The following WIPI1 variants were observed in gnomAD, a reference collection of about 807,000 sequenced individuals.
The protein encoded by WIPI1 is WD repeat domain phosphoinositide-interacting protein 1.
Under a neutral mutation model 55.3 loss-of-function variants are expected in WIPI1, and 45 were observed. That is an observed-to-expected ratio of 0.81 (90% CI 0.64 to 1.04). The LOEUF (loss-of-function observed/expected upper bound fraction) is 1.04, where lower values mean the gene tolerates loss of function less well. WIPI1 is among the 50% of genes least tolerant of loss of function. The pLI, the probability that WIPI1 is intolerant of heterozygous loss-of-function variation, is 0.00. For synonymous variants in WIPI1, 195 were observed against 217.6 expected (o/e 0.90, Z 0.92); for missense variants, 445 against 559.0 (o/e 0.80, Z 2.06).
intron 3 of WIPI1, among the ~76,000 whole-genome samples, chr17:68,447,695 G>C (rs2147971551): frequency 6.6e-6 from 1 of 152,084 alleles, no homozygotes; most frequent in East Asian, 1.9e-4. Flanking sequence ...TATATACTTA[G>C]AAAAAAGGGA....
At chr17:68,430,267 A>G in intron 8 of WIPI1, 107 bp from the exon 9 acceptor site, 1 of 1,150,838 alleles carries the variant, frequency 8.7e-7, no homozygotes, top group Non-Finnish European at 1.2e-6. Context: ...CAGCAGGGAG[A>G]GACTGTGCCT....
At chr17:68,429,012 C>T in intron 9 of WIPI1, 76 bp from the exon 10 acceptor site, 1 of 1,117,086 alleles carries the variant, frequency 9.0e-7, no homozygotes, top group South Asian at 1.3e-5. Flanking sequence ...ACAAAGCCCC[C>T]CTCACCCTAG....
At chr17:68,446,907 GA>G (rs1201399818) in intron 3 of WIPI1, among the ~76,000 whole-genome samples, 1 of 152,210 alleles carries the variant, frequency 6.6e-6, no homozygotes, top group Non-Finnish European at 1.5e-5. Flanking sequence ...AACGCAGAGG[GA>G]AACAGAGAGA....
At chr17:68,426,254 G>GGCCCCCCCCCCCC in intron 11 of WIPI1, 79 bp from the exon 12 acceptor site, 10 of 816,856 alleles carry the variant, frequency 1.2e-5, no homozygotes, top group East Asian at 3.5e-5. Flanking sequence ...GGGAGCGGGG[G>GGCCCCCCCCCCCC]CTCAAATAAA....
chr17:68,438,599 T>C (rs2083935004), intron 4 of WIPI1, among the ~76,000 whole-genome samples: 1 of 152,186 alleles, frequency 6.6e-6, no homozygotes, highest in Non-Finnish European at 1.5e-5. Flanking sequence ...TCTCAGCACA[T>C]ATGTTTTGCT....
At position 68,449,510 on chromosome 17, in the gene WIPI1, A is replaced by G. The variant is rs576721880; in HGVS notation, c.333+1218T>C. Among the ~76,000 whole-genome samples the G allele has an allele frequency of 2.6e-5, 4 of 152,328 alleles. No homozygotes were observed. In the East Asian group the frequency reaches 7.7e-4, roughly 29 times the overall value. On this transcript the variant is annotated intron_variant, in intron 3 of 12. Transcript: ENST00000262139. ...AATCTCATGTCGAATTGTAATCTTC[A>G]GTGTTGGAGGAAGGTGGCAGAGTTC...
At chr17:68,428,979 G>T in intron 9 of WIPI1, 43 bp from the exon 10 acceptor site, 1 of 1,483,142 alleles carries the variant, frequency 6.7e-7, no homozygotes. Flanking sequence ...CAACGAAGAT[G>T]GGCGATGGAT....
rs997493550 is a variant in WIPI1, at chr17:68,450,900, G to A, written c.164-3C>T. On this transcript the variant is annotated splice_polypyrimidine_tract_variant and splice_region_variant and intron_variant, in intron 2 of 12. Transcript: ENST00000262139. ...GATGTAGACGTCCGGGATTTCATCT[G>A]GGAGGAAAAGCAGCCGGGAGGTTAC... The A allele has an allele frequency of 1.2e-6, 2 of 1,610,678 alleles. No homozygotes were observed. Among genetic ancestry groups the A allele is most frequent in the Non-Finnish European group, 1.7e-6 (2 of 1,178,552 alleles).
At chr17:68,430,297 C>A in intron 8 of WIPI1, 137 bp from the exon 9 acceptor site, 1 of 814,002 alleles carries the variant, frequency 1.2e-6, no homozygotes, top group South Asian at 1.9e-5. Context: ...GTTCTGCCCA[C>A]TGAGAACAAT....
In WIPI1 at chr17:68,455,028, G is replaced by C. The variant is rs534696508; in HGVS notation, c.81-2036C>G. Among the ~76,000 whole-genome samples the C allele has an allele frequency of 1.4e-4, 22 of 152,286 alleles. 1 individual carries two copies. In the South Asian group the frequency reaches 4.6e-3, roughly 32 times the overall value. On this transcript the variant is annotated intron_variant, in intron 1 of 12. Coordinates refer to ENST00000262139, the MANE Select transcript of WIPI1 (RefSeq NM_017983.7). The stretch of plus-strand genomic sequence containing the variant: ...ATTCTAATCACCACTCATGGAAACA[G>C]AGCTTGGGACAAATATTTATCATTA...
Position 68,433,760 on chromosome 17 carries a change from G to GTTTTTTTTTTT in WIPI1, c.693-196_693-186dup, listed in dbSNP as rs556777098. ...TCAGAAAGATTCACAAAGGGTCATAGTTTTTTTTTTTTTTTTTTTTTTTTT... is the reference window on the plus strand; with the variant it reads ...TCAGAAAGATTCACAAAGGGTCATAGTTTTTTTTTTTTTTTTTTTTTTTTTTTTTTTTTTTT... On this transcript the variant is annotated intron_variant, in intron 7 of 12. Coordinates refer to ENST00000262139, the MANE Select transcript of WIPI1 (RefSeq NM_017983.7). 2.9e-4 allele frequency among the ~76,000 whole-genome samples: 21 copies of GTTTTTTTTTTT among 72,820 alleles called. 2 individuals are homozygous for GTTTTTTTTTTT. The highest frequency in any genetic ancestry group is 9.2e-4 in the African/African-American group (14 of 15,266). 47.8% of individuals were successfully genotyped at this position (72,820 alleles called of 152,430 possible). A position where few individuals can be genotyped will look rare whatever the true frequency, so the allele number is the denominator to read the frequency against.
rs2082754533 is a variant in WIPI1, at chr17:68,421,320, C to A, written c.*453G>T. The A allele has an allele frequency of 6.3e-6, 1 of 159,246 alleles. No homozygotes were observed. The highest frequency in any genetic ancestry group is 2.4e-5 in the African/African-American group (1 of 41,568). 9.9% of individuals were successfully genotyped at this position (159,246 alleles called of 1,614,324 possible). A position where few individuals can be genotyped will look rare whatever the true frequency, so the allele number is the denominator to read the frequency against. The stretch of plus-strand genomic sequence containing the variant: ...TTTATTATTAGTGTCCAAAATGGGA[C>A]TCCCAAGTAATAAATGATTTATTCC... On this transcript the variant is annotated 3_prime_UTR_variant, in exon 13 of 13. Coordinates refer to ENST00000262139, the MANE Select transcript of WIPI1 (RefSeq NM_017983.7).
chr17:68,452,193 G>A (rs1312173564), intron 2 of WIPI1, among the ~76,000 whole-genome samples: 1 of 152,168 alleles, frequency 6.6e-6, no homozygotes, highest in Non-Finnish European at 1.5e-5. Context: ...ATAGGATACC[G>A]TTGCCTTCTT....
chr17:68,426,989 C>T (rs1019436303), intron 11 of WIPI1, 146 bp downstream of exon 11: 14 of 674,572 alleles, frequency 2.1e-5, no homozygotes, highest in Non-Finnish European at 3.3e-5. Context: ...GAGCACTCCA[C>T]CCCCAGGTAA....
chr17:68,441,271 T>A (rs1600344377), intron 4 of WIPI1, among the ~76,000 whole-genome samples: 1 of 152,178 alleles, frequency 6.6e-6, no homozygotes, highest in East Asian at 1.9e-4. Flanking sequence ...GGAACGGGCA[T>A]GACACAAACA....
intron 3 of WIPI1, 113 bp from the exon 4 acceptor site, chr17:68,444,702 G>T: frequency 2.7e-6 from 2 of 749,450 alleles, no homozygotes; most frequent in Non-Finnish European, 2.1e-6. Context: ...GCCTAAAGCA[G>T]AATTTTGATG....
At chr17:68,432,651 T>C (rs2083582197) in intron 8 of WIPI1, among the ~76,000 whole-genome samples, 1 of 152,102 alleles carries the variant, frequency 6.6e-6, no homozygotes, top group South Asian at 2.1e-4. Flanking sequence ...ATCAGCGTGA[T>C]ATGGTGCCCA....
intron 8 of WIPI1, among the ~76,000 whole-genome samples, chr17:68,431,314 C>T (rs1417440730): frequency 6.6e-6 from 1 of 152,180 alleles, no homozygotes; most frequent in Non-Finnish European, 1.5e-5. Flanking sequence ...CAGGAATCAT[C>T]ATCACAACCT....
At chr17:68,432,924 GTTCTT>G in intron 8 of WIPI1, among the ~76,000 whole-genome samples, 1 of 152,112 alleles carries the variant, frequency 6.6e-6, no homozygotes, top group Non-Finnish European at 1.5e-5. Flanking sequence ...CTGCCCTGAA[GTTCTT>G]TTTACTCTTT....
Sources: allele counts gnomAD v4.1 joint callset (sites outside exome capture counted in the v4.1 genomes callset), GRCh38; gene constraint gnomAD v4.1.1; transcripts MANE v1.5; gene names NCBI Gene and HGNC (gene_info 2026-07-23, HGNC 2026-07-21).